Variants in OTULINL observed in about 807,000 individuals in gnomAD.
The protein encoded by OTULINL is inactive ubiquitin thioesterase OTULINL.
In OTULINL, 42 loss-of-function variants were observed where a neutral mutation model predicts 43.9. That is an observed-to-expected ratio of 0.96 (90% CI 0.75 to 1.24). The LOEUF is 1.24. OTULINL is among the 50% of genes most tolerant of loss of function. OTULINL has a pLI of 0.00. For synonymous variants in OTULINL, 172 were observed against 153.6 expected, an observed-to-expected ratio of 1.12 and a Z score of -0.88; for missense variants, 411 against 426.4, an observed-to-expected ratio of 0.96 and a Z score of 0.32.
intron 5 of OTULINL, among the ~76,000 whole-genome samples, chr5:14,602,637 T>C (rs1759408239): frequency 6.6e-6 from 1 of 152,114 alleles, no homozygotes; most frequent in African/African-American, 2.4e-5. Flanking sequence ...GGGTTTTCCG[T>C]GTTGCCCAGG....
At chr5:14,608,247 C>T (rs1289135200) in intron 6 of OTULINL, among the ~76,000 whole-genome samples, 1 of 152,068 alleles carries the variant, frequency 6.6e-6, no homozygotes, top group East Asian at 1.9e-4. Context: ...AACAAAATAC[C>T]ATAAATTGGG....
chr5:14,600,760 T>C (rs1759370714), intron 1 of OTULINL, among the ~76,000 whole-genome samples: 1 of 152,200 alleles, frequency 6.6e-6, no homozygotes, highest in Non-Finnish European at 1.5e-5. Context: ...TATATGGTGC[T>C]GATTATGGGA....
chr5:14,590,621 T>C (rs1338212951), intron 1 of OTULINL, among the ~76,000 whole-genome samples: 1 of 152,132 alleles, frequency 6.6e-6, no homozygotes, highest in Non-Finnish European at 1.5e-5. Context: ...TGTGGTCCCA[T>C]CAGCAAGATC....
Position 14,614,726 on chromosome 5 carries a change from G to T in OTULINL, c.*4412G>T. 1 of 398,676 alleles carries T rather than the reference G, an allele frequency of 2.5e-6. No individual in the cohort carries two copies. The highest frequency in any genetic ancestry group is 4.4e-6 in the Non-Finnish European group (1 of 226,100). 24.7% of individuals were successfully genotyped at this position (398,676 alleles called of 1,614,324 possible). On this transcript the variant is annotated 3_prime_UTR_variant, in exon 8 of 8. Transcript: ENST00000274217. ...TTGGAGGAGACTCAAGCTCCATGTG[G>T]GAACAGTGTGGCCCAAGAGCCAGCA...
chr5:14,601,128 G>T lies in OTULINL; in HGVS notation c.224+4G>T. 1 of 1,610,904 alleles carries T rather than the reference G, an allele frequency of 6.2e-7. No homozygotes were observed. On this transcript the variant is annotated splice_donor_region_variant and intron_variant, in intron 2 of 7. Transcript: ENST00000274217. ...ATTCAGGGCACAAGCTGAAATGGTA[G>T]GTCACTGTATCATCCTTAAATTTCA...
chr5:14,598,168 C>T (rs1055010354), intron 1 of OTULINL, among the ~76,000 whole-genome samples: 7 of 152,128 alleles, frequency 4.6e-5, no homozygotes, highest in South Asian at 2.1e-4. Flanking sequence ...GTGGAGCCTG[C>T]GACAGACGAG....
At chr5:14,595,894 A>G (rs1043674930) in intron 1 of OTULINL, among the ~76,000 whole-genome samples, 1 of 152,096 alleles carries the variant, frequency 6.6e-6, no homozygotes, top group Non-Finnish European at 1.5e-5. Flanking sequence ...ACACTTTGCA[A>G]TATAACAGAC....
At chr5:14,596,719 G>T (rs956772680) in intron 1 of OTULINL, among the ~76,000 whole-genome samples, 6 of 152,270 alleles carry the variant, frequency 3.9e-5, no homozygotes, top group Non-Finnish European at 8.8e-5. Flanking sequence ...CAGACTGGGT[G>T]ATTTATAAGG....
intron 5 of OTULINL, among the ~76,000 whole-genome samples, chr5:14,603,493 A>C (rs1438237747): frequency 6.6e-6 from 1 of 152,106 alleles, no homozygotes; most frequent in Non-Finnish European, 1.5e-5. Flanking sequence ...CCAGCACTTG[A>C]TATTGTCAGG....
intron 1 of OTULINL, among the ~76,000 whole-genome samples, chr5:14,598,037 A>G (rs1435835488): frequency 2.0e-5 from 3 of 152,158 alleles, no homozygotes; most frequent in Admixed American, 1.3e-4. Flanking sequence ...CCTGGGAGCT[A>G]CAAGAGAGGC....
rs755134131 is a variant in OTULINL, at chr5:14,610,342, C to T, written c.*28C>T. ...CCGCTGGGGGCCGAACAGCAGTGCT[C>T]ACCAGTGACGGTGGTCACAGTTGCA... On this transcript the variant is annotated 3_prime_UTR_variant, in exon 8 of 8. Coordinates refer to ENST00000274217, the MANE Select transcript of OTULINL (RefSeq NM_019018.3). 13 of 1,603,494 alleles carry T rather than the reference C, an allele frequency of 8.1e-6. No individual in the cohort carries two copies. Among genetic ancestry groups the T allele is most frequent in the Admixed American group, 3.4e-5 (2 of 58,558 alleles).
chr5:14,608,836 TTTA>T lies in OTULINL; in HGVS notation c.718_720del (p.Tyr240del), dbSNP rs1759524142. ...TCAGATGCCATTCTGGAATATAAACTTTATGAAGCTTTAAAGTTCATCATGCTG... is the reference window on the plus strand; with the variant it reads ...TCAGATGCCATTCTGGAATATAAACTTGAAGCTTTAAAGTTCATCATGCTG... On this transcript the variant is annotated inframe_deletion, in exon 7 of 8. Transcript: ENST00000274217. 1 of 1,613,964 alleles carries T rather than the reference TTTA, an allele frequency of 6.2e-7. No homozygotes were observed. The highest frequency in any genetic ancestry group is 1.3e-5 in the African/African-American group (1 of 74,936).
chr5:14,600,201 A>C (rs13354361), intron 1 of OTULINL, among the ~76,000 whole-genome samples: 2,031 of 152,230 alleles, frequency 0.013, 51 homozygotes, highest in African/African-American at 0.046. Flanking sequence ...GGGTTTTATA[A>C]GGGGCTTTCC....
chr5:14,616,065 C>T lies in OTULINL; in HGVS notation c.*5751C>T, dbSNP rs908495081. ...TTGCAGGTTGGTAGTTTTATAAATA[C>T]GATAAAAATATAGCACCAAGATTAG... is the stretch of plus-strand genomic sequence containing the variant. On this transcript the variant is annotated 3_prime_UTR_variant, in exon 8 of 8. Transcript: ENST00000274217. Among the ~76,000 whole-genome samples the T allele has an allele frequency of 2.6e-5, 4 of 152,100 alleles. No homozygotes were observed. Among genetic ancestry groups the T allele is most frequent in the Non-Finnish European group, 2.9e-5 (2 of 68,012 alleles).
At chr5:14,604,329 G>T (rs1473180409) in intron 5 of OTULINL, among the ~76,000 whole-genome samples, 2 of 152,128 alleles carry the variant, frequency 1.3e-5, no homozygotes, top group African/African-American at 4.8e-5. Flanking sequence ...GTGTGTATTA[G>T]TCTGTTTTCA....
chr5:14,587,455 A>G (rs1274613499), intron 1 of OTULINL, among the ~76,000 whole-genome samples: 1 of 152,236 alleles, frequency 6.6e-6, no homozygotes, highest in African/African-American at 2.4e-5. Flanking sequence ...GAGATCAGCA[A>G]TTTGTCATTT....
chr5:14,594,877 T>C (rs562458244), intron 1 of OTULINL, among the ~76,000 whole-genome samples: 108 of 152,120 alleles, frequency 7.1e-4, no homozygotes, highest in African/African-American at 2.2e-3. Context: ...CTACCTCTCT[T>C]GCCACAGAGT....
rs1236377801 is a variant in OTULINL, at chr5:14,613,830, CA to C, written c.*3517del. 1.3e-5 allele frequency among the ~76,000 whole-genome samples: 2 copies of C among 152,284 alleles called. No individual in the cohort carries two copies. Among genetic ancestry groups the C allele is most frequent in the African/African-American group, 4.8e-5 (2 of 41,546 alleles). On this transcript the variant is annotated 3_prime_UTR_variant, in exon 8 of 8. Transcript: ENST00000274217. ...TCCATGAGAGAAGAGCAGCCAGGATCAGGGGGCATTAACGTTAATTTTCCCA... is the reference window on the plus strand; with the variant it reads ...TCCATGAGAGAAGAGCAGCCAGGATCGGGGGCATTAACGTTAATTTTCCCA...
chr5:14,601,535 T>C, intron 4 of OTULINL, 93 bp downstream of exon 4: 1 of 1,132,788 alleles, frequency 8.8e-7, no homozygotes, highest in Non-Finnish European at 1.3e-6. Context: ...AATCCAGATA[T>C]CCATCAGTAC....
Sources: allele counts gnomAD v4.1 joint callset (sites outside exome capture counted in the v4.1 genomes callset), GRCh38; gene constraint gnomAD v4.1.1; transcripts MANE v1.5; gene names NCBI Gene and HGNC (gene_info 2026-07-23, HGNC 2026-07-21).